The following ITPKB variants were observed in gnomAD, a reference collection of about 807,000 sequenced individuals.
The protein encoded by ITPKB is IP3 3-kinase B.
Under a neutral mutation model 69.4 loss-of-function variants are expected in ITPKB, and 13 were observed. The observed-to-expected ratio is 0.19, with a 90% CI of 0.12 to 0.30. The LOEUF is 0.30. ITPKB is among the 10% of genes least tolerant of loss of function. ITPKB has a pLI of 1.00. For synonymous variants in ITPKB, 584 were observed against 513.7 expected (o/e 1.14, Z -1.85); for missense variants, 1,240 against 1,250.5 (o/e 0.99, Z 0.13).
rs1271521145 is a variant in ITPKB, at chr1:226,676,053, A to G, written c.1933-27282T>C. The G allele has an allele frequency of 2.6e-5, 4 of 152,228 alleles. No individual in the cohort carries two copies. The South Asian group carries it at 6.2e-4, about 24-fold the overall frequency. The allele number at this position is 152,228 out of a possible 1,614,324, so 9.4% of individuals were successfully genotyped here. A position where few individuals can be genotyped will look rare whatever the true frequency, so the allele number is the denominator to read the frequency against. On this transcript the variant is annotated intron_variant, in intron 2 of 7. Transcript: ENST00000429204. ...CACATTCTCTCCTCTCCAGAGGTGAAGACTTCATCCTCAATGGCTAATTTG... is the reference window on the plus strand; with the variant it reads ...CACATTCTCTCCTCTCCAGAGGTGAGGACTTCATCCTCAATGGCTAATTTG...
At chr1:226,647,638 G>T (rs931417265) in intron 3 of ITPKB, among the ~76,000 whole-genome samples, 3 of 152,216 alleles carry the variant, frequency 2.0e-5, no homozygotes, top group Non-Finnish European at 4.4e-5. Flanking sequence ...CTGCTGGAAG[G>T]GTACAGAGCT....
Position 226,737,349 on chromosome 1 carries a change from G to C in ITPKB, c.110C>G (p.Pro37Arg), listed in dbSNP as rs757007573. ...GPSGSETPPPPRRAVLSPGSV... is the reference protein window; with the variant it reads ...GPSGSETPPPRRRAVLSPGSV... ...GCCGGGGCTCAGCACTGCCCTCCTC[G>C]GGGGCGGGGGCGTCTCGCTGCCACT... The change falls in exon 2 of 8, where the codon CCG (proline) becomes CGG (arginine). Residue 37 changes from proline to arginine, a missense_variant. Pro to Arg is a moderately radical substitution (Grantham distance 103). Coordinates refer to ENST00000429204, the MANE Select transcript of ITPKB (RefSeq NM_002221.4). 1.9e-6 allele frequency: 3 copies of C among 1,604,658 alleles called. No individual in the cohort carries two copies. The highest frequency in any genetic ancestry group is 1.1e-5 in the South Asian group (1 of 90,846).
intron 2 of ITPKB, among the ~76,000 whole-genome samples, chr1:226,681,046 C>T (rs1368538873): frequency 6.6e-6 from 1 of 152,210 alleles, no homozygotes; most frequent in Non-Finnish European, 1.5e-5. Context: ...CCCCTCCCCT[C>T]ACCTGGCAAA....
At position 226,735,644 on chromosome 1, in the gene ITPKB, G is replaced by T. The variant is rs772200650; in HGVS notation, c.1815C>A (p.Ser605=). Residue 605 remains serine, a synonymous_variant, in exon 2 of 8, where the codon TCC becomes TCA. Coordinates refer to ENST00000429204, the MANE Select transcript of ITPKB (RefSeq NM_002221.4). ...CTTCGTAGGATGAGGAGAAGCCCGTGGAGGAGGCCGAGGAAGAGGACAGTT... is the reference window on the plus strand; with the variant it reads ...CTTCGTAGGATGAGGAGAAGCCCGTTGAGGAGGCCGAGGAAGAGGACAGTT... The part of the protein sequence containing the change: ...LRKLSSSSAS[S]TGFSSSYEDS... 1.2e-6 allele frequency: 2 copies of T among 1,612,058 alleles called. No homozygotes were observed. The highest frequency in any genetic ancestry group is 1.7e-6 in the Non-Finnish European group (2 of 1,178,860).
At chr1:226,730,124 A>T (rs1277933519) in intron 2 of ITPKB, among the ~76,000 whole-genome samples, 1 of 152,196 alleles carries the variant, frequency 6.6e-6, no homozygotes, top group Admixed American at 6.5e-5. Flanking sequence ...GTCAAATTTG[A>T]CTACAAGGTC....
chr1:226,701,221 AT>A (rs1405518107), intron 2 of ITPKB, among the ~76,000 whole-genome samples: 2 of 152,234 alleles, frequency 1.3e-5, no homozygotes, highest in Non-Finnish European at 2.9e-5. Context: ...AAGAAGTATC[AT>A]TTCAACAGAA....
At position 226,642,251 on chromosome 1, in the gene ITPKB, C is replaced by T; in HGVS notation, c.2247-126G>A. 1 of 726,408 alleles carries T rather than the reference C, an allele frequency of 1.4e-6. No individual in the cohort carries two copies. Among genetic ancestry groups the T allele is most frequent in the Non-Finnish European group, 2.3e-6 (1 of 437,058 alleles). 45.0% of individuals were successfully genotyped at this position (726,408 alleles called of 1,614,324 possible). On this transcript the variant is annotated intron_variant, in intron 4 of 7. Transcript: ENST00000429204. The surrounding 1 kb of genome is among the most constrained non-coding windows in gnomAD (Gnocchi z 6.4). ...CCAACAGCTGCAGTCAGCTCAGTGC[C>T]CTGAGTCAAGGCACGTCTTTCCGAG...
rs11353595 is a variant in ITPKB, at chr1:226,721,348, CAAAAAAAAAAAAA to C, written c.1932+14166_1932+14178del. Among the ~76,000 whole-genome samples the C allele has an allele frequency of 4.6e-5, 3 of 64,660 alleles. No homozygotes were observed. The Admixed American group carries it at 4.9e-4, about 11-fold the overall frequency. 42.4% of individuals were successfully genotyped at this position (64,660 alleles called of 152,430 possible). A position where few individuals can be genotyped will look rare whatever the true frequency, so the allele number is the denominator to read the frequency against. On this transcript the variant is annotated intron_variant, in intron 2 of 7. Coordinates refer to ENST00000429204, the MANE Select transcript of ITPKB (RefSeq NM_002221.4). ...GGGCAACAAGAACAAAACTCTGTCT[CAAAAAAAAAAAAA>C]AAAAAAAAGAAATAAAAGAAATATT...
At chr1:226,702,726 G>C (rs1321729485) in intron 2 of ITPKB, among the ~76,000 whole-genome samples, 1 of 152,208 alleles carries the variant, frequency 6.6e-6, no homozygotes, top group Non-Finnish European at 1.5e-5. Context: ...TGTCAGTCTA[G>C]GACCTGAGTG....
chr1:226,647,524 A>T, intron 3 of ITPKB, 144 bp from the exon 4 acceptor site: 1 of 632,570 alleles, frequency 1.6e-6, no homozygotes, highest in Non-Finnish European at 2.8e-6. Context: ...TGGACTGAGC[A>T]CCTTAAGGGG....
At chr1:226,674,343 C>T (rs1351517259) in intron 2 of ITPKB, among the ~76,000 whole-genome samples, 2 of 152,128 alleles carry the variant, frequency 1.3e-5, no homozygotes, top group African/African-American at 4.8e-5. Flanking sequence ...GGATTACAGG[C>T]ACCTGCCACC....
chr1:226,676,862 C>T (rs1463320334), intron 2 of ITPKB, among the ~76,000 whole-genome samples: 1 of 152,226 alleles, frequency 6.6e-6, no homozygotes, highest in Non-Finnish European at 1.5e-5. Flanking sequence ...AGGAAAACTG[C>T]AGATCGCTGT....
chr1:226,652,937 G>A (rs1359880807), intron 2 of ITPKB, among the ~76,000 whole-genome samples: 1 of 152,168 alleles, frequency 6.6e-6, no homozygotes, highest in African/African-American at 2.4e-5. Flanking sequence ...TTCCTAAGCT[G>A]GCTGAGTAGT....
At chr1:226,713,609 G>A (rs1005198129) in intron 2 of ITPKB, among the ~76,000 whole-genome samples, 3 of 152,286 alleles carry the variant, frequency 2.0e-5, no homozygotes, top group East Asian at 1.9e-4. Context: ...GAATTTGTTC[G>A]GGGTTTACTA....
At position 226,737,442 on chromosome 1, in the gene ITPKB, T is replaced by C. The variant is rs934109894; in HGVS notation, c.17A>G (p.Tyr6Cys). The change falls in exon 2 of 8, where the codon TAT becomes TGT. Residue 6 changes from tyrosine to cysteine, a missense_variant. By Grantham distance (194) the Tyr-to-Cys change is radical (BLOSUM62 -2). Coordinates refer to ENST00000429204, the MANE Select transcript of ITPKB (RefSeq NM_002221.4). MAVYC[Y>C]ALNSLVIMNS... ...CATGATCACCAGGCTATTGAGCGCA[T>C]AGCAGTACACAGCCATAGTACTGGG... is the stretch of plus-strand genomic sequence containing the variant. The C allele has an allele frequency of 6.8e-6, 11 of 1,611,026 alleles. No homozygotes were observed. Among genetic ancestry groups the C allele is most frequent in the East Asian group, 4.5e-5 (2 of 44,792 alleles).
intron 2 of ITPKB, among the ~76,000 whole-genome samples, chr1:226,658,761 G>T (rs760294142): frequency 1.3e-5 from 2 of 152,168 alleles, no homozygotes; most frequent in African/African-American, 4.8e-5. Context: ...ACCCATGAGC[G>T]TAGGGTAGGG....
At position 226,642,258 on chromosome 1, in the gene ITPKB, C is replaced by A; in HGVS notation, c.2247-133G>T. 1 of 670,008 alleles carries A rather than the reference C, an allele frequency of 1.5e-6. No individual in the cohort carries two copies. The highest frequency in any genetic ancestry group is 1.9e-5 in the South Asian group (1 of 53,780). The allele number at this position is 670,008 out of a possible 1,614,324, so 41.5% of individuals were successfully genotyped here. On this transcript the variant is annotated intron_variant, in intron 4 of 7. Transcript: ENST00000429204. The surrounding 1 kb of genome is among the most constrained non-coding windows in gnomAD (Gnocchi z 6.4). ...CTGCAGTCAGCTCAGTGCCCTGAGT[C>A]AAGGCACGTCTTTCCGAGGGGACGG...
chr1:226,704,243 T>C (rs1656749266), intron 2 of ITPKB, among the ~76,000 whole-genome samples: 1 of 152,232 alleles, frequency 6.6e-6, no homozygotes, highest in Non-Finnish European at 1.5e-5. Context: ...GAAAAATGTT[T>C]AGCATGCCGT....
At chr1:226,732,102 CAAA>C (rs532778037) in intron 2 of ITPKB, among the ~76,000 whole-genome samples, 126 of 76,272 alleles carry the variant, frequency 1.7e-3, no homozygotes, top group African/African-American at 5.6e-3. Context: ...TAGTCAACAT[CAAA>C]AAAAAAAAAA....
Sources: gnomAD v4.1 joint callset for allele counts (sites outside exome capture counted in the v4.1 genomes callset) on GRCh38, gnomAD v4.1.1 for gene constraint, Gnocchi (gnomAD v3.1) non-coding constraint, MANE v1.5 for transcripts, NCBI Gene and HGNC (gene_info 2026-07-23, HGNC 2026-07-21) for gene names.